Variants in PSORS1C1 observed in about 807,000 individuals in gnomAD.
PSORS1C1 encodes psoriasis susceptibility 1 candidate gene 1 protein.
Under a neutral mutation model 9.4 loss-of-function variants are expected in PSORS1C1, and 7 were observed. The observed-to-expected ratio is 0.75, with a 90% CI of 0.42 to 1.40. The LOEUF is 1.40. Among genes scored for constraint, PSORS1C1 ranks in the 40% most tolerant of loss-of-function variants. PSORS1C1 has a pLI of 0.01. For missense variants in PSORS1C1, 146 were observed against 178.1 expected (o/e 0.82, Z 1.02); for synonymous variants, 63 against 69.4 (o/e 0.91, Z 0.46).
At chr6:31,138,050 T>A in intron 3 of PSORS1C1, 1 of 1,535,298 alleles carries the variant, frequency 6.5e-7, no homozygotes, top group East Asian at 2.3e-5. Context: ...GGGGCTGGGG[T>A]CCTGCCGGCC....
chr6:31,126,544 C>G (rs1005835839), intron 2 of PSORS1C1, among the ~76,000 whole-genome samples: 13 of 152,108 alleles, frequency 8.5e-5, no homozygotes, highest in African/African-American at 2.9e-4. Context: ...TCCAATGGCT[C>G]TCTCCTCTAT....
rs368907999 is a variant in PSORS1C1 at position 31,135,775 on chromosome 6, GC to G, written c.14-2653del. Among the ~76,000 whole-genome samples the G allele has an allele frequency of 6.0e-3, 914 of 152,266 alleles. 7 individuals carry two copies. Among genetic ancestry groups the G allele is most frequent in the Middle Eastern group, 0.01 (3 of 292 alleles). ...AAGTTGGTCAGGCGCGGTGGCTCGTGCCTGTAATCTCAGCACTTTGGGAGGC... is the reference window on the plus strand; with the variant it reads ...AAGTTGGTCAGGCGCGGTGGCTCGTGCTGTAATCTCAGCACTTTGGGAGGC... On this transcript the variant is annotated intron_variant, in intron 3 of 5. Transcript: ENST00000259881.
chr6:31,130,070 C>T (rs1253521673), intron 3 of PSORS1C1, among the ~76,000 whole-genome samples: 3 of 151,882 alleles, frequency 2.0e-5, no homozygotes, highest in African/African-American at 4.8e-5. Context: ...CCAGCCTGGG[C>T]GACAGAGCAA....
At chr6:31,134,453 C>T (rs1773055015) in intron 3 of PSORS1C1, among the ~76,000 whole-genome samples, 1 of 152,084 alleles carries the variant, frequency 6.6e-6, no homozygotes, top group Non-Finnish European at 1.5e-5. Context: ...CAGGCGCCGG[C>T]CACCATGCCC....
chr6:31,116,421 G>C, intron 1 of PSORS1C1: 1 of 1,591,774 alleles, frequency 6.3e-7, no homozygotes, highest in Non-Finnish European at 8.6e-7. Context: ...AACTGCTGGG[G>C]ACTCGAGAAC....
intron 2 of PSORS1C1, among the ~76,000 whole-genome samples, chr6:31,127,296 G>C (rs558859113): frequency 6.6e-6 from 1 of 152,060 alleles, no homozygotes; most frequent in African/African-American, 2.4e-5. Context: ...CTCTGGGTGA[G>C]AGTCCTCACA....
At chr6:31,116,676 G>A (rs1158241950) in intron 1 of PSORS1C1, 12 of 1,612,630 alleles carry the variant, frequency 7.4e-6, no homozygotes, top group Non-Finnish European at 1.0e-5. Flanking sequence ...TACCCTTACT[G>A]TAGGTCATGC....
chr6:31,131,180 C>T (rs13200022), intron 3 of PSORS1C1, among the ~76,000 whole-genome samples: 33,262 of 151,924 alleles, frequency 0.22, 4,206 homozygotes, highest in African/African-American at 0.34. Context: ...CCAATCATTC[C>T]GATCTACTCT....
In PSORS1C1 at chr6:31,116,370, G is replaced by A. The variant is rs369037215; in HGVS notation, c.-229+1479G>A. ...AGCAGGGGCTCTGGGAAGCACTGCC[G>A]CAGGGATGGTAGGGTAAACCGGAGC... is the stretch of plus-strand genomic sequence containing the variant. On this transcript the variant is annotated intron_variant, in intron 1 of 5. Coordinates refer to ENST00000259881, the MANE Select transcript of PSORS1C1 (RefSeq NM_014068.3). The A allele has an allele frequency of 1.3e-5, 21 of 1,609,116 alleles. No homozygotes were observed. Among genetic ancestry groups the A allele is most frequent in the Admixed American group, 1.0e-4 (6 of 58,968 alleles).
At chr6:31,126,324 C>G (rs55640410) in intron 2 of PSORS1C1, among the ~76,000 whole-genome samples, 2,587 of 152,268 alleles carry the variant, frequency 0.017, 40 homozygotes, top group Middle Eastern at 0.034. Context: ...TGGCATTCAT[C>G]TGATGCCAGT....
chr6:31,134,521 G>A (rs1206751262), intron 3 of PSORS1C1, among the ~76,000 whole-genome samples: 2 of 151,832 alleles, frequency 1.3e-5, no homozygotes, highest in South Asian at 4.2e-4. Flanking sequence ...TAGCCAGGAT[G>A]GTCTCGATCT....
At chr6:31,137,975 G>T (rs146136766) in intron 3 of PSORS1C1, 2 of 1,508,416 alleles carry the variant, frequency 1.3e-6, no homozygotes, top group Non-Finnish European at 1.8e-6. Context: ...CCCGGGGTGG[G>T]TCTAGGTCTG....
In PSORS1C1 at chr6:31,139,929, C is replaced by T. The variant is rs1773361075; in HGVS notation, c.456C>T (p.Ile152=). The T allele has an allele frequency of 1.2e-6, 2 of 1,609,198 alleles. No individual in the cohort carries two copies. The highest frequency in any genetic ancestry group is 1.7e-5 in the Admixed American group (1 of 59,692). Residue 152 remains isoleucine, a synonymous_variant, in exon 6 of 6, where the codon ATC becomes ATT. Transcript: ENST00000259881. This position sits in a 1 kb window ranked among gnomAD's most constrained non-coding sequence, Gnocchi z 5.2. Reference sequence around the variant, plus strand: ...CTCCTTTTGGTCTCAGCTCCTTGATCTAAGCCTCCCAGAGAGACCCCTAGA... The same window carrying T: ...CTCCTTTTGGTCTCAGCTCCTTGATTTAAGCCTCCCAGAGAGACCCCTAGA... The part of the protein sequence containing the change: ...SHSPFGLSSL[I]
At position 31,115,907 on chromosome 6, in the gene PSORS1C1, T is replaced by G; in HGVS notation, c.-229+1016T>G. The stretch of plus-strand genomic sequence containing the variant: ...GTAGTGGAGAAAGCAGAACCACTCT[T>G]TTGGGAAGGAGGGAAACTGAGCTAA... On this transcript the variant is annotated intron_variant, in intron 1 of 5. Transcript: ENST00000259881. The surrounding 1 kb of genome is among the most constrained non-coding windows in gnomAD (Gnocchi z 4.2). The G allele has an allele frequency of 1.1e-6, 1 of 887,816 alleles. No individual in the cohort carries two copies. Among genetic ancestry groups the G allele is most frequent in the Non-Finnish European group, 1.8e-6 (1 of 546,256 alleles). The allele number at this position is 887,816 out of a possible 1,614,324, so 55.0% of individuals were successfully genotyped here. A position where few individuals can be genotyped will look rare whatever the true frequency, so the allele number is the denominator to read the frequency against.
chr6:31,134,232 C>T (rs755393407), intron 3 of PSORS1C1, among the ~76,000 whole-genome samples: 1 of 151,956 alleles, frequency 6.6e-6, no homozygotes, highest in Non-Finnish European at 1.5e-5. Context: ...CCACCCGCCT[C>T]AGCCTCCCAA....
chr6:31,139,957 G>C lies in PSORS1C1; in HGVS notation c.*25G>C. 2 of 1,591,844 alleles carry C rather than the reference G, an allele frequency of 1.3e-6. No individual in the cohort carries two copies. The highest frequency in any genetic ancestry group is 1.7e-6 in the Non-Finnish European group (2 of 1,163,532). On this transcript the variant is annotated 3_prime_UTR_variant, in exon 6 of 6. Transcript: ENST00000259881. The surrounding 1 kb of genome is among the most constrained non-coding windows in gnomAD (Gnocchi z 5.2). Reference sequence around the variant, plus strand: ...AGCCTCCCAGAGAGACCCCTAGAACGTTTCCCTCAAGGACCTTTCTGCCTG... The same window carrying C: ...AGCCTCCCAGAGAGACCCCTAGAACCTTTCCCTCAAGGACCTTTCTGCCTG...
At chr6:31,138,358 G>GCCCCC in intron 3 of PSORS1C1, 72 bp from the exon 4 acceptor site, 13 of 1,487,894 alleles carry the variant, frequency 8.7e-6, no homozygotes, top group Non-Finnish European at 1.2e-5. Context: ...TCTCTCCCCA[G>GCCCCC]CCCCACCCAG....
At chr6:31,131,521 C>G (rs369402198) in intron 3 of PSORS1C1, among the ~76,000 whole-genome samples, 61 of 144,862 alleles carry the variant, frequency 4.2e-4, no homozygotes, top group African/African-American at 1.4e-3. Flanking sequence ...TGCTTTAACC[C>G]AGGAGGCGGA....
chr6:31,129,609 A>T lies in PSORS1C1; in HGVS notation c.-24A>T, dbSNP rs1562766541. 1.3e-6 allele frequency: 1 copy of T among 779,838 alleles called. No homozygotes were observed. The highest frequency in any genetic ancestry group is 2.4e-6 in the Non-Finnish European group (1 of 418,076). 48.3% of individuals were successfully genotyped at this position (779,838 alleles called of 1,614,324 possible). On this transcript the variant is annotated 5_prime_UTR_variant, in exon 3 of 6. Transcript: ENST00000259881. ...TTTGCAGCCAGGCAGTCCTCCATCCAGTCTTGACTTTGGCACTTGTGATAT... is the reference window on the plus strand; with the variant it reads ...TTTGCAGCCAGGCAGTCCTCCATCCTGTCTTGACTTTGGCACTTGTGATAT...
Sources: allele counts gnomAD v4.1 joint callset (sites outside exome capture counted in the v4.1 genomes callset), GRCh38; gene constraint gnomAD v4.1.1; non-coding constraint Gnocchi (gnomAD v3.1); transcripts MANE v1.5; gene names NCBI Gene and HGNC (gene_info 2026-07-23, HGNC 2026-07-21).